KRT7: variants seen among roughly 807,000 people sequenced by gnomAD.
KRT7 encodes keratin 7, also known as keratin, type II cytoskeletal 7.
A neutral mutation model predicts 42.8 loss-of-function variants in KRT7; 50 were observed. The observed-to-expected ratio is 1.17, with a 90% CI of 0.93 to 1.48. The LOEUF (loss-of-function observed/expected upper bound fraction) is 1.48. KRT7 is among the 40% of genes most tolerant of loss of function. The pLI is 0.00. For synonymous variants in KRT7, 268 were observed against 266.3 expected (o/e 1.01, Z -0.06); for missense variants, 588 against 637.6 (o/e 0.92, Z 0.84).
rs773175911 is a variant in KRT7 at position 52,235,137 on chromosome 12, C to T, written c.325-18C>T. The T allele has an allele frequency of 6.8e-6, 11 of 1,613,112 alleles. No individual in the cohort carries two copies. Among genetic ancestry groups the T allele is most frequent in the African/African-American group, 1.3e-5 (1 of 74,924 alleles). Reference sequence around the variant, plus strand: ...CGCTCTGGCTCCTCTTGAGTTTCCTCCTTCTCGCCCGTTCTAGGTGCGGTT... The same window carrying T: ...CGCTCTGGCTCCTCTTGAGTTTCCTTCTTCTCGCCCGTTCTAGGTGCGGTT... On this transcript the variant is annotated intron_variant, in intron 1 of 8. Transcript: ENST00000331817.
At chr12:52,251,492 G>A (rs969670527), downstream of KRT7, among the ~76,000 whole-genome samples, 5 of 152,300 alleles carry the variant, frequency 3.3e-5, no homozygotes, top group African/African-American at 4.8e-5. Flanking sequence ...TCTGGTCAGG[G>A]GTTTGACAAG....
downstream of KRT7, among the ~76,000 whole-genome samples, chr12:52,254,908 T>A (rs563198791): frequency 1.3e-5 from 2 of 152,296 alleles, no homozygotes; most frequent in Non-Finnish European, 2.9e-5. Flanking sequence ...CAGAGTCAAG[T>A]CTAAGAGGCA....
intron 3 of KRT7, 98 bp from the exon 4 acceptor site, chr12:52,238,582 C>T (rs1942040873): frequency 1.3e-6 from 1 of 755,418 alleles, no homozygotes; most frequent in African/African-American, 1.7e-5. Flanking sequence ...AGTATTTGGC[C>T]TGTGGGTTGG....
chr12:52,248,090 C>T (rs1320473989), intron 7 of KRT7, 87 bp from the exon 8 acceptor site: 1 of 1,271,454 alleles, frequency 7.9e-7, no homozygotes, highest in Non-Finnish European at 1.1e-6. Context: ...AATGATCCTG[C>T]TTGGGGCCTG....
intron 7 of KRT7, chr12:52,247,876 GTCATTTAA>G (rs386763027): frequency 0.26 from 121,056 of 474,234 alleles, 18,146 homozygotes; most frequent in East Asian, 0.59. Context: ...GACAGATTAT[GTCATTTAA>G]CCCTCACAGG....
At chr12:52,255,485 C>T (rs10495311), downstream of KRT7, 33,136 of 452,802 alleles carry the variant, frequency 0.073, 1,559 homozygotes, top group South Asian at 0.13. Flanking sequence ...AAACACATTC[C>T]GGGAACTGGA....
rs1366333886 is a variant in KRT7, at chr12:52,245,394, C to T, written c.985-18C>T. 1.9e-6 allele frequency: 3 copies of T among 1,611,952 alleles called. No homozygotes were observed. The highest frequency in any genetic ancestry group is 1.3e-5 in the African/African-American group (1 of 75,054). On this transcript the variant is annotated intron_variant, in intron 6 of 8. Transcript: ENST00000331817. The stretch of plus-strand genomic sequence containing the variant: ...CAGACTGGTGAGCCCCAGCTTACAG[C>T]TGCACTGCTGCCCACAGCGTGCCAA...
Position 52,233,583 on chromosome 12 carries a change from A to G in KRT7, c.287A>G (p.Lys96Arg), listed in dbSNP as rs1324427565. 1 of 1,612,922 alleles carries G rather than the reference A, an allele frequency of 6.2e-7. No homozygotes were observed. The highest frequency in any genetic ancestry group is 1.3e-5 in the African/African-American group (1 of 74,872). Residue 96 changes from lysine (K) to arginine (R), a missense_variant, in exon 1 of 9, where the codon AAG becomes AGG. Coordinates refer to ENST00000331817, the MANE Select transcript of KRT7 (RefSeq NM_005556.4). ...CGCCAGGAGGAGAGCGAGCAGATCA[A>G]GACCCTCAACAACAAGTTTGCCTCC... ...RVRQEESEQIKTLNNKFASFI... is the reference protein window; with the variant it reads ...RVRQEESEQIRTLNNKFASFI...
chr12:52,252,530 TC>T (rs1214856781), downstream of KRT7: 1 of 1,600,542 alleles, frequency 6.2e-7, no homozygotes, highest in Non-Finnish European at 8.5e-7. Context: ...GGCTTCAGGG[TC>T]AGAGGCCAGG....
rs78497756 is a variant in KRT7, at chr12:52,245,396, G to A, written c.985-16G>A. The A allele has an allele frequency of 3.0e-3, 4,864 of 1,612,306 alleles. 115 individuals carry two copies. The African/African-American group carries it at 0.058, about 19-fold the overall frequency. Reference sequence around the variant, plus strand: ...GACTGGTGAGCCCCAGCTTACAGCTGCACTGCTGCCCACAGCGTGCCAAGT... The same window carrying A: ...GACTGGTGAGCCCCAGCTTACAGCTACACTGCTGCCCACAGCGTGCCAAGT... On this transcript the variant is annotated splice_polypyrimidine_tract_variant and intron_variant, in intron 6 of 8. Coordinates refer to ENST00000331817, the MANE Select transcript of KRT7 (RefSeq NM_005556.4).
At chr12:52,254,496 G>C (rs1399175468), downstream of KRT7, 1 of 423,508 alleles carries the variant, frequency 2.4e-6, no homozygotes, top group Admixed American at 3.0e-5. Flanking sequence ...GCTCATCCCA[G>C]TGCCTGGTAT....
At chr12:52,246,072 A>G (rs1942165411) in intron 7 of KRT7, 3 of 183,132 alleles carry the variant, frequency 1.6e-5, no homozygotes, top group Non-Finnish European at 3.4e-5. Flanking sequence ...GCTTCTCACT[A>G]CAGAACTAAG....
chr12:52,243,827 A>G (rs1233497954), intron 6 of KRT7, among the ~76,000 whole-genome samples: 3 of 152,252 alleles, frequency 2.0e-5, no homozygotes, highest in Non-Finnish European at 2.9e-5. Flanking sequence ...TGTCTTATTC[A>G]TTAAGTGATT....
rs75797459 is a variant in KRT7 at position 52,238,810 on chromosome 12, C to A, written c.693+35C>A. 3.5e-5 allele frequency: 47 copies of A among 1,335,382 alleles called. No homozygotes were observed. The African/African-American group carries it at 6.6e-4, about 19-fold the overall frequency. 82.7% of individuals were successfully genotyped at this position (1,335,382 alleles called of 1,614,324 possible). A position where few individuals can be genotyped will look rare whatever the true frequency, so the allele number is the denominator to read the frequency against. ...ATGGAGCTGGGTGACATGTCTTATC[C>A]TACCCATTCTAACCAGGGAGCCATC... On this transcript the variant is annotated intron_variant, in intron 4 of 8. Coordinates refer to ENST00000331817, the MANE Select transcript of KRT7 (RefSeq NM_005556.4).
At position 52,234,125 on chromosome 12, in the gene KRT7, GGA is replaced by G. The variant is rs1303321793; in HGVS notation, c.324+507_324+508del. The stretch of plus-strand genomic sequence containing the variant: ...TTAGAGCGGCAGTCGGTGGGGCGGG[GGA>G]GGGGGGGGGGCTCCCGCCCCTCCCC... On this transcript the variant is annotated intron_variant, in intron 1 of 8. Coordinates refer to ENST00000331817, the MANE Select transcript of KRT7 (RefSeq NM_005556.4). Among the ~76,000 whole-genome samples, 301 of 131,950 alleles carry G rather than the reference GGA, an allele frequency of 2.3e-3. 9 individuals carry two copies. Among genetic ancestry groups the G allele is most frequent in the African/African-American group, 8.2e-3 (271 of 32,906 alleles). The allele number at this position is 131,950 out of a possible 152,430, so 86.6% of individuals were successfully genotyped here. A position where few individuals can be genotyped will look rare whatever the true frequency, so the allele number is the denominator to read the frequency against.
intron 6 of KRT7, chr12:52,244,952 G>A (rs1357498799): frequency 1.7e-5 from 3 of 177,950 alleles, no homozygotes; most frequent in Admixed American, 6.3e-5. Context: ...CTGACATCTG[G>A]AGACTCAATT....
chr12:52,242,582 G>A (rs958453867), intron 5 of KRT7, among the ~76,000 whole-genome samples: 9 of 152,180 alleles, frequency 5.9e-5, no homozygotes, highest in Non-Finnish European at 1.2e-4. Context: ...ACACAAGTAT[G>A]CCAACAAGAA....
rs1565718344 is a variant in KRT7 at position 52,238,728 on chromosome 12, G to A, written c.646G>A (p.Asp216Asn). Residue 216 changes from aspartate to asparagine, a missense_variant, in exon 4 of 9, where the codon GAT becomes AAT. Physicochemically the swap from Asp to Asn is conservative, Grantham distance 23 (BLOSUM62 1). Coordinates refer to ENST00000331817, the MANE Select transcript of KRT7 (RefSeq NM_005556.4). ...CAAGGTGGAGCTGGAGGCCAAGGTG[G>A]ATGCCCTGAATGATGAGATCAACTT... Reference protein sequence around the residue: ...MSKVELEAKVDALNDEINFLR... With the variant: ...MSKVELEAKVNALNDEINFLR... 6.2e-7 allele frequency: 1 copy of A among 1,614,098 alleles called. No individual in the cohort carries two copies. Among genetic ancestry groups the A allele is most frequent in the East Asian group, 2.2e-5 (1 of 44,882 alleles).
chr12:52,233,398 T>TGGCAGCAGCAGCCTCTACGGCCTC lies in KRT7; in HGVS notation c.106_129dup (p.Ser36_Gly43dup). ...TGAGCTCCGCTCGCCCCGGCGGCCT[T>TGGCAGCAGCAGCCTCTACGGCCTC]GGCAGCAGCAGCCTCTACGGCCTCG... is the stretch of plus-strand genomic sequence containing the variant. On this transcript the variant is annotated inframe_insertion, in exon 1 of 9. Coordinates refer to ENST00000331817, the MANE Select transcript of KRT7 (RefSeq NM_005556.4). 1.3e-6 allele frequency: 2 copies of TGGCAGCAGCAGCCTCTACGGCCTC among 1,565,636 alleles called. No homozygotes were observed. Among genetic ancestry groups the TGGCAGCAGCAGCCTCTACGGCCTC allele is most frequent in the Non-Finnish European group, 1.7e-6 (2 of 1,162,212 alleles).
Sources: allele counts gnomAD v4.1 joint callset (sites outside exome capture counted in the v4.1 genomes callset), GRCh38; gene constraint gnomAD v4.1.1; transcripts MANE v1.5; gene names NCBI Gene and HGNC (gene_info 2026-07-23, HGNC 2026-07-21).